The following ARID5B variants were observed in gnomAD, a reference collection of about 807,000 sequenced individuals.
The protein encoded by ARID5B is AT-rich interaction domain 5B, also known as AT-rich interactive domain-containing protein 5B.
ARID5B carries 13 observed loss-of-function variants against 97.2 expected under a neutral mutation model. The ratio of observed to expected loss-of-function variants is 0.13; its 90% CI spans 0.09 to 0.21. The LOEUF (loss-of-function observed/expected upper bound fraction) is 0.21. Ranked by LOEUF, ARID5B falls within the 10% of genes least tolerant of loss-of-function variation. The pLI, the probability that ARID5B is intolerant of heterozygous loss-of-function variation, is 1.00. For synonymous variants in ARID5B, 556 were observed against 570.3 expected (o/e 0.97, Z 0.36); for missense variants, 1,210 against 1,465.3 (o/e 0.83, Z 2.84).
intron 2 of ARID5B, among the ~76,000 whole-genome samples, chr10:61,933,388 A>G (rs1300429351): frequency 1.3e-5 from 2 of 152,238 alleles, no homozygotes; most frequent in Non-Finnish European, 1.5e-5. Context: ...ACCCACTTTC[A>G]TGAATCTGAA....
rs1840409104 is a variant in ARID5B at position 62,093,031 on chromosome 10, G to T, written c.*1G>T. 1.9e-6 allele frequency: 3 copies of T among 1,600,908 alleles called. No individual in the cohort carries two copies. The highest frequency in any genetic ancestry group is 2.6e-6 in the Non-Finnish European group (3 of 1,176,244). ...CGTGCACCCCAGTACAAAACTGTAG[G>T]CTCAGCTCTGCCCAGCAGTCCAAAG... On this transcript the variant is annotated 3_prime_UTR_variant, in exon 10 of 10. Coordinates refer to ENST00000279873, the MANE Select transcript of ARID5B (RefSeq NM_032199.3).
chr10:62,075,950 C>T (rs2132963058), intron 8 of ARID5B, among the ~76,000 whole-genome samples: 1 of 152,286 alleles, frequency 6.6e-6, no homozygotes, highest in Admixed American at 6.5e-5. Flanking sequence ...GTTTTTTGGA[C>T]ATCTGCCATG....
rs779771698 is a variant in ARID5B, at chr10:62,092,745, G to C, written c.3282G>C (p.Arg1094Ser). The C allele has an allele frequency of 6.2e-7, 1 of 1,614,102 alleles. No homozygotes were observed. Among genetic ancestry groups the C allele is most frequent in the South Asian group, 1.1e-5 (1 of 91,078 alleles). The change falls in exon 10 of 10, where the codon AGG becomes AGC. Residue 1094 changes from arginine to serine, a missense_variant. Physicochemically the swap from Arg to Ser is moderately radical, Grantham distance 110 (BLOSUM62 -1). Transcript: ENST00000279873. The part of the protein sequence containing the change: ...GSLCNSGLNS[R>S]LPAGYSHSLQ... Reference sequence around the variant, plus strand: ...TGTGTAACTCGGGCCTCAACTCCAGGCTCCCGGCTGGGTATTCTCATTCTC... The same window carrying C: ...TGTGTAACTCGGGCCTCAACTCCAGCCTCCCGGCTGGGTATTCTCATTCTC...
At chr10:61,908,162 G>A (rs946861741) in intron 2 of ARID5B, among the ~76,000 whole-genome samples, 17 of 152,156 alleles carry the variant, frequency 1.1e-4, no homozygotes, top group African/African-American at 3.9e-4. Flanking sequence ...GGTTAAGAGC[G>A]AAACTTTAGC....
intron 2 of ARID5B, among the ~76,000 whole-genome samples, chr10:61,908,799 CAAAAAAAA>C (rs369792859): frequency 5.9e-5 from 3 of 50,994 alleles, no homozygotes; most frequent in South Asian, 1.0e-3. Context: ...GACTCCATCT[CAAAAAAAA>C]AAAAAAAAAA....
At chr10:61,944,483 C>A (rs1290365702) in intron 3 of ARID5B, among the ~76,000 whole-genome samples, 1 of 152,010 alleles carries the variant, frequency 6.6e-6, no homozygotes, top group Non-Finnish European at 1.5e-5. Flanking sequence ...ACATAGCAAA[C>A]TTGCATTTTT....
intron 3 of ARID5B, among the ~76,000 whole-genome samples, chr10:61,957,445 A>G (rs1589234705): frequency 6.6e-6 from 1 of 152,034 alleles, no homozygotes; most frequent in South Asian, 2.1e-4. Flanking sequence ...ATTTTTGTAT[A>G]TTTAGTAGAG....
chr10:61,951,511 A>G (rs1261069180), intron 3 of ARID5B, among the ~76,000 whole-genome samples: 2 of 152,184 alleles, frequency 1.3e-5, no homozygotes, highest in African/African-American at 4.8e-5. Context: ...TGCAAACTTC[A>G]TGCCTACGGG....
intron 4 of ARID5B, among the ~76,000 whole-genome samples, chr10:62,022,484 T>C (rs1839369149): frequency 1.3e-5 from 2 of 152,172 alleles, no homozygotes; most frequent in South Asian, 4.1e-4. Flanking sequence ...TGTTCCTGGG[T>C]GGTAACCTGG....
intron 2 of ARID5B, among the ~76,000 whole-genome samples, chr10:61,918,589 T>A (rs1228566756): frequency 6.6e-6 from 1 of 152,216 alleles, no homozygotes; most frequent in Non-Finnish European, 1.5e-5. Flanking sequence ...ACTATCATAT[T>A]AAATAGAGTT....
chr10:61,913,813 G>A lies in ARID5B; in HGVS notation c.276+11400G>A, dbSNP rs768952431. Among the ~76,000 whole-genome samples, 8 of 152,144 alleles carry A rather than the reference G, an allele frequency of 5.3e-5. No homozygotes were observed. In the East Asian group the frequency reaches 5.8e-4, roughly 11 times the overall value. ...TTTGCCCAGGCTGGAGTACAATGGC[G>A]CAATCTCAGCTCACCGCAACCTCCG... is the stretch of plus-strand genomic sequence containing the variant. On this transcript the variant is annotated intron_variant, in intron 2 of 9. Coordinates refer to ENST00000279873, the MANE Select transcript of ARID5B (RefSeq NM_032199.3).
chr10:61,919,180 C>T (rs1843966110), intron 2 of ARID5B, among the ~76,000 whole-genome samples: 1 of 152,104 alleles, frequency 6.6e-6, no homozygotes, highest in African/African-American at 2.4e-5. Flanking sequence ...GCCCCACCCT[C>T]CACCCTGCCC....
intron 2 of ARID5B, among the ~76,000 whole-genome samples, chr10:61,917,293 A>G (rs1395940891): frequency 6.6e-6 from 1 of 152,044 alleles, no homozygotes; most frequent in African/African-American, 2.4e-5. Flanking sequence ...AGAAACCTAG[A>G]TTTTCATGTG....
At chr10:61,972,960 A>C (rs900535820) in intron 3 of ARID5B, among the ~76,000 whole-genome samples, 2 of 152,222 alleles carry the variant, frequency 1.3e-5, no homozygotes, top group African/African-American at 2.4e-5. Flanking sequence ...GCAAACTTAG[A>C]TATAGCCAAT....
At position 61,924,753 on chromosome 10, in the gene ARID5B, G is replaced by A. The variant is rs1022284136; in HGVS notation, c.277-15430G>A. Among the ~76,000 whole-genome samples the A allele has an allele frequency of 5.9e-5, 9 of 152,150 alleles. 1 individual carries two copies. The highest frequency in any genetic ancestry group is 4.6e-4 in the Admixed American group (7 of 15,274). On this transcript the variant is annotated intron_variant, in intron 2 of 9. Transcript: ENST00000279873. ...GACTGCTCTTCTAATTAATGGCAAC[G>A]GTATATTGAGACTCTGTGCCAGATG...
chr10:62,075,717 C>T (rs1490945498), intron 8 of ARID5B, among the ~76,000 whole-genome samples: 2 of 152,162 alleles, frequency 1.3e-5, no homozygotes, highest in Non-Finnish European at 2.9e-5. Context: ...CATGCAGGCG[C>T]CTCCAGTTTG....
intron 2 of ARID5B, among the ~76,000 whole-genome samples, chr10:61,933,127 G>A (rs75737604): frequency 0.017 from 2,632 of 152,272 alleles, 61 homozygotes; most frequent in Non-Finnish European, 0.019. Context: ...TTCACCAACA[G>A]TAGATTTTAT....
chr10:61,983,948 C>T (rs1391148050), intron 3 of ARID5B, among the ~76,000 whole-genome samples: 1 of 20,974 alleles, frequency 4.8e-5, no homozygotes, highest in Non-Finnish European at 1.1e-4. Flanking sequence ...ACTGCAGTGG[C>T]GCAATCTCGG....
chr10:62,058,324 G>C (rs7922857), intron 6 of ARID5B, among the ~76,000 whole-genome samples: 50,229 of 152,082 alleles, frequency 0.33, 8,625 homozygotes, highest in East Asian at 0.48. Context: ...CTCTGAAGTA[G>C]TGCAAGGTTC....
Sources: gnomAD v4.1 joint callset for allele counts (sites outside exome capture counted in the v4.1 genomes callset) on GRCh38, gnomAD v4.1.1 for gene constraint, MANE v1.5 for transcripts, NCBI Gene and HGNC (gene_info 2026-07-23, HGNC 2026-07-21) for gene names.